The following ENTPD1 variants were observed in gnomAD, a reference collection of about 807,000 sequenced individuals.
ENTPD1 encodes the protein ATP diphosphohydrolase.
ENTPD1 carries 33 observed loss-of-function variants against 57.0 expected under a neutral mutation model. That is an observed-to-expected ratio of 0.58 (90% confidence interval 0.44 to 0.77). The LOEUF (loss-of-function observed/expected upper bound fraction) is 0.77. Among genes scored for constraint, ENTPD1 ranks in the 30% least tolerant of loss-of-function variants. ENTPD1 has a pLI of 0.00. For missense variants in ENTPD1, 501 were observed against 603.4 expected (o/e 0.83, Z 1.78); for synonymous variants, 202 against 218.8 (o/e 0.92, Z 0.68).
chr10:95,860,625 G>A (rs1171423669), intron 8 of ENTPD1, 43 bp downstream of exon 8: 2 of 1,547,114 alleles, frequency 1.3e-6, no homozygotes, highest in South Asian at 1.1e-5. Flanking sequence ...TGAGTGCCCT[G>A]TGTCGTTGCT....
intron 1 of ENTPD1, among the ~76,000 whole-genome samples, chr10:95,798,056 T>A (rs2098233704): frequency 6.6e-6 from 1 of 152,128 alleles, no homozygotes. Flanking sequence ...TTAAAGGGTA[T>A]GGTGTAAAAG....
intron 1 of ENTPD1, among the ~76,000 whole-genome samples, chr10:95,758,825 G>A (rs2098042651): frequency 6.6e-6 from 1 of 152,234 alleles, no homozygotes. Flanking sequence ...CATATGCTGA[G>A]TACTGATTCA....
At chr10:95,761,555 C>T (rs2098063229) in intron 1 of ENTPD1, among the ~76,000 whole-genome samples, 1 of 152,150 alleles carries the variant, frequency 6.6e-6, no homozygotes, top group Non-Finnish European at 1.5e-5. Context: ...AGTCACTGGT[C>T]AGGTGTCATT....
chr10:95,850,866 T>C (rs1035349417), intron 7 of ENTPD1, among the ~76,000 whole-genome samples: 1 of 152,230 alleles, frequency 6.6e-6, no homozygotes, highest in East Asian at 1.9e-4. Context: ...CTAGTTAGCC[T>C]GGGTGTTCTC....
intron 1 of ENTPD1, among the ~76,000 whole-genome samples, chr10:95,808,632 C>T (rs992347898): frequency 6.6e-6 from 1 of 151,900 alleles, no homozygotes; most frequent in Non-Finnish European, 1.5e-5. Flanking sequence ...AAAAAACTTT[C>T]AAGGAAATGG....
At chr10:95,843,441 C>A (rs766763723) in intron 4 of ENTPD1, 1 of 152,314 alleles carries the variant, frequency 6.6e-6, no homozygotes, top group Admixed American at 6.5e-5. Flanking sequence ...CTTAGCACTA[C>A]GCTAAGCACT....
At chr10:95,803,371 C>T (rs1433670615) in intron 1 of ENTPD1, among the ~76,000 whole-genome samples, 4 of 152,174 alleles carry the variant, frequency 2.6e-5, no homozygotes, top group Non-Finnish European at 4.4e-5. Context: ...CAGCATCTGT[C>T]GTTTCCTGAC....
At chr10:95,769,620 C>T (rs150344102) in intron 1 of ENTPD1, among the ~76,000 whole-genome samples, 189 of 152,294 alleles carry the variant, frequency 1.2e-3, no homozygotes, top group Non-Finnish European at 2.4e-3. Flanking sequence ...TTATCCAATT[C>T]ACGTTTTAAT....
At chr10:95,789,715 A>G (rs1345138909) in intron 1 of ENTPD1, among the ~76,000 whole-genome samples, 2 of 152,244 alleles carry the variant, frequency 1.3e-5, no homozygotes, top group Non-Finnish European at 2.9e-5. Context: ...GTTAACATTT[A>G]TCAAAGCTTA....
chr10:95,815,822 C>T (rs4409759), intron 1 of ENTPD1, among the ~76,000 whole-genome samples: 24,185 of 152,086 alleles, frequency 0.16, 2,479 homozygotes, highest in African/African-American at 0.28. Context: ...GGCTTTAGAA[C>T]AGGAAAGAAA....
At chr10:95,793,895 A>T (rs1232828518) in intron 1 of ENTPD1, among the ~76,000 whole-genome samples, 1 of 152,176 alleles carries the variant, frequency 6.6e-6, no homozygotes, top group Non-Finnish European at 1.5e-5. Flanking sequence ...AGAAAAATGA[A>T]CAGAGAATTG....
upstream of ENTPD1, among the ~76,000 whole-genome samples, chr10:95,710,262 G>A (rs10786231): frequency 0.8 from 121,926 of 151,848 alleles, 49,409 homozygotes; most frequent in Non-Finnish European, 0.86. Flanking sequence ...AAAATTAGCC[G>A]GGTGTGGTGG....
chr10:95,803,857 T>A (rs2098261061), intron 1 of ENTPD1, among the ~76,000 whole-genome samples: 1 of 152,266 alleles, frequency 6.6e-6, no homozygotes, highest in Non-Finnish European at 1.5e-5. Flanking sequence ...AAGTCTTTAA[T>A]CCTTCTTGAA....
the ENTPD1 span, among the ~76,000 whole-genome samples, chr10:95,704,653 T>C: frequency 6.6e-6 from 1 of 152,162 alleles, no homozygotes; most frequent in Admixed American, 6.5e-5. Flanking sequence ...TTTACATAGA[T>C]TTTATACTTA....
At chr10:95,714,640 A>T (rs1377635951) in intron 1 of ENTPD1, among the ~76,000 whole-genome samples, 4 of 152,254 alleles carry the variant, frequency 2.6e-5, no homozygotes, top group Admixed American at 1.3e-4. Flanking sequence ...CCAAACAGAG[A>T]TGAAACTAAA....
chr10:95,776,601 A>G (rs1157444635), intron 1 of ENTPD1, among the ~76,000 whole-genome samples: 3 of 151,818 alleles, frequency 2.0e-5, no homozygotes, highest in Non-Finnish European at 4.4e-5. Context: ...GAATCTGACA[A>G]TTATGTGTCT....
chr10:95,695,509 A>G, the ENTPD1 span, among the ~76,000 whole-genome samples: 1 of 152,238 alleles, frequency 6.6e-6, no homozygotes, highest in Non-Finnish European at 1.5e-5. Flanking sequence ...GAATTCTCTT[A>G]CAAGATCTTT....
intron 1 of ENTPD1, among the ~76,000 whole-genome samples, chr10:95,743,229 T>C (rs2098002300): frequency 6.6e-6 from 1 of 152,230 alleles, no homozygotes; most frequent in Non-Finnish European, 1.5e-5. Flanking sequence ...TTGTCTGATA[T>C]CTTTCTCATG....
rs199564576 is a variant in ENTPD1 at position 95,866,202 on chromosome 10, C to T, written c.1352C>T (p.Thr451Ile). ...ATCCAGGGCAGCGACGCCGGCTGGA[C>T]TTTGGGCTACATGCTGAACCTGACC... is the stretch of plus-strand genomic sequence containing the variant. ...GKIQGSDAGW[T>I]LGYMLNLTNM... Residue 451 changes from threonine to isoleucine, a missense_variant, in exon 10 of 10, where the codon ACT becomes ATT. Physicochemically the swap from Thr to Ile is moderately conservative, Grantham distance 89. Transcript: ENST00000371205. The T allele has an allele frequency of 1.2e-6, 2 of 1,614,104 alleles. No individual in the cohort carries two copies.
Sources: gnomAD v4.1 joint callset for allele counts (sites outside exome capture counted in the v4.1 genomes callset) on GRCh38, gnomAD v4.1.1 for gene constraint, MANE v1.5 for transcripts, NCBI Gene and HGNC (gene_info 2026-07-23, HGNC 2026-07-21) for gene names.